MALRD1: variants seen among roughly 807,000 people sequenced by gnomAD.
MALRD1 encodes the protein MAM and LDL receptor class A domain containing 1.
A neutral mutation model predicts 242.1 loss-of-function variants in MALRD1; 247 were observed. That is an observed-to-expected ratio of 1.02 (90% CI 0.92 to 1.13). MALRD1 has a LOEUF of 1.13. MALRD1 is among the 50% of genes most tolerant of loss of function. The pLI, the probability that MALRD1 is intolerant of heterozygous loss-of-function variation, is 0.00. For missense variants in MALRD1, 2,989 were observed against 2,533.1 expected (o/e 1.18, Z -3.86); for synonymous variants, 995 against 866.6 (o/e 1.15, Z -2.60).
intron 18 of MALRD1, among the ~76,000 whole-genome samples, chr10:19,241,083 A>G (rs922715841): frequency 2.6e-5 from 4 of 152,116 alleles, no homozygotes. Context: ...TCATAAGATG[A>G]GTATGGAAGT....
chr10:19,127,057 T>C (rs112113117), intron 7 of MALRD1, among the ~76,000 whole-genome samples: 9,720 of 152,238 alleles, frequency 0.064, 339 homozygotes, highest in South Asian at 0.14. Flanking sequence ...GGCTTCCAGC[T>C]CCATCCATGC....
intron 21 of MALRD1, among the ~76,000 whole-genome samples, chr10:19,292,632 C>G (rs899299728): frequency 2.0e-5 from 3 of 152,080 alleles, no homozygotes; most frequent in Non-Finnish European, 4.4e-5. Context: ...GTGGTTCACG[C>G]CTGTAATCCC....
At chr10:19,470,680 G>C (rs1836448003) in intron 29 of MALRD1, among the ~76,000 whole-genome samples, 1 of 151,916 alleles carries the variant, frequency 6.6e-6, no homozygotes. Flanking sequence ...CTAATGATTA[G>C]TGATATTGTC....
At chr10:19,250,930 A>G (rs1839267907) in intron 18 of MALRD1, among the ~76,000 whole-genome samples, 1 of 151,868 alleles carries the variant, frequency 6.6e-6, no homozygotes, top group Admixed American at 6.6e-5. Context: ...CCAATTTCTT[A>G]CATCTTTTTT....
intron 21 of MALRD1, among the ~76,000 whole-genome samples, chr10:19,318,489 G>A (rs940179718): frequency 8.7e-5 from 13 of 150,270 alleles, no homozygotes; most frequent in South Asian, 6.3e-4. Context: ...TGTTGGATTG[G>A]GGAAATTATA....
chr10:19,629,391 G>A (rs949819041), intron 36 of MALRD1, among the ~76,000 whole-genome samples: 2 of 152,118 alleles, frequency 1.3e-5, no homozygotes, highest in African/African-American at 4.8e-5. Context: ...CGAGAGGAGT[G>A]GTGGGTTATT....
intron 31 of MALRD1, among the ~76,000 whole-genome samples, chr10:19,512,797 C>T (rs879493415): frequency 2.6e-5 from 4 of 152,022 alleles, no homozygotes; most frequent in African/African-American, 7.2e-5. Context: ...ACCATTTTAG[C>T]AATTTTAGAC....
Position 19,124,611 on chromosome 10 carries a change from CGA to C in MALRD1, c.891_892del (p.Glu297AspfsTer15). ...CAAATTTCCTGGATGCGCACAAAAG[CGA>C]GAGAGATCCCTGCATTCGAATCCAC... On this transcript the variant is annotated frameshift_variant, in exon 7 of 40. Transcript: ENST00000454679. LOFTEE classifies it high-confidence loss of function. 5 of 1,233,576 alleles carry C rather than the reference CGA, an allele frequency of 4.1e-6. No individual in the cohort carries two copies. Among genetic ancestry groups the C allele is most frequent in the South Asian group, 8.2e-5 (2 of 24,396 alleles). 76.4% of individuals were successfully genotyped at this position (1,233,576 alleles called of 1,614,324 possible).
intron 21 of MALRD1, among the ~76,000 whole-genome samples, chr10:19,315,619 T>G (rs1842662943): frequency 8.3e-6 from 1 of 119,784 alleles, no homozygotes; most frequent in Non-Finnish European, 1.7e-5. Flanking sequence ...AATATTTATA[T>G]AAATTATAAA....
At chr10:19,368,219 T>C (rs1564599191) in intron 26 of MALRD1, among the ~76,000 whole-genome samples, 1 of 152,134 alleles carries the variant, frequency 6.6e-6, no homozygotes. Context: ...CTGAAGCATT[T>C]CCCTTATGTT....
chr10:19,275,484 C>T (rs2484100), intron 19 of MALRD1, among the ~76,000 whole-genome samples: 6,780 of 152,000 alleles, frequency 0.045, 234 homozygotes, highest in East Asian at 0.12. Context: ...CTGGTTAACA[C>T]AGTGAAACCC....
At chr10:19,101,023 C>G (rs7085520) in intron 4 of MALRD1, among the ~76,000 whole-genome samples, 82,373 of 151,610 alleles carry the variant, frequency 0.54, 22,524 homozygotes, top group Middle Eastern at 0.6. Context: ...ATTTTAATAA[C>G]TATGTTACAA....
intron 24 of MALRD1, among the ~76,000 whole-genome samples, 190 bp downstream of exon 24, chr10:19,331,772 A>G (rs117904301): frequency 0.017 from 2,627 of 152,224 alleles, 34 homozygotes; most frequent in South Asian, 0.049. Context: ...TTTACAACCA[A>G]TTGATGGCTG....
At chr10:19,281,963 CAAAAAAAAAAAAAA>C (rs149370838) in intron 20 of MALRD1, among the ~76,000 whole-genome samples, 29 of 79,864 alleles carry the variant, frequency 3.6e-4, no homozygotes, top group African/African-American at 1.5e-3. Context: ...ACGATGTCTC[CAAAAAAAAAAAAAA>C]AAAAAAAAAT....
intron 32 of MALRD1, among the ~76,000 whole-genome samples, chr10:19,554,521 A>T (rs1835627824): frequency 6.6e-6 from 1 of 151,956 alleles, no homozygotes; most frequent in Non-Finnish European, 1.5e-5. Context: ...TGCATTAGCC[A>T]TTTTTTCTAA....
intron 38 of MALRD1, among the ~76,000 whole-genome samples, chr10:19,712,401 A>C (rs1190699034): frequency 6.6e-6 from 1 of 152,232 alleles, no homozygotes; most frequent in Non-Finnish European, 1.5e-5. Flanking sequence ...GAAATTGTTC[A>C]TAGATTCAGA....
At chr10:19,096,320 G>A (rs906503040) in intron 4 of MALRD1, among the ~76,000 whole-genome samples, 48 of 152,130 alleles carry the variant, frequency 3.2e-4, no homozygotes, top group Non-Finnish European at 7.3e-5. Flanking sequence ...AGCTGAGACA[G>A]CAAGGTTATT....
intron 5 of MALRD1, among the ~76,000 whole-genome samples, chr10:19,123,128 A>G (rs1011641435): frequency 6.6e-6 from 1 of 152,218 alleles, no homozygotes; most frequent in East Asian, 1.9e-4. Flanking sequence ...TATTGGACAC[A>G]TGTACAACTG....
intron 8 of MALRD1, among the ~76,000 whole-genome samples, chr10:19,131,547 C>A (rs1325847641): frequency 2.0e-5 from 3 of 151,962 alleles, no homozygotes; most frequent in Non-Finnish European, 4.4e-5. Context: ...AATTATTTAC[C>A]AATAAATTTA....
Sources: gnomAD v4.1 joint callset for allele counts (sites outside exome capture counted in the v4.1 genomes callset) on GRCh38, gnomAD v4.1.1 for gene constraint, MANE v1.5 for transcripts, NCBI Gene and HGNC (gene_info 2026-07-23, HGNC 2026-07-21) for gene names.